The following FRMD4A variants were observed in gnomAD, a reference collection of about 807,000 sequenced individuals.
The protein encoded by FRMD4A is FERM domain-containing protein 4A.
Under a neutral mutation model 129.1 loss-of-function variants are expected in FRMD4A, and 29 were observed. The ratio of observed to expected loss-of-function variants is 0.22; its 90% CI spans 0.17 to 0.31. The LOEUF is 0.31. FRMD4A is among the 10% of genes least tolerant of loss of function. The probability of loss-of-function intolerance (pLI) is 1.00; values close to 1 mark genes in which losing one functional copy is unlikely to be tolerated. For missense variants in FRMD4A, 1,272 were observed against 1,375.8 expected, an observed-to-expected ratio of 0.92 and a Z score of 1.19; for synonymous variants, 634 against 571.6, an observed-to-expected ratio of 1.11 and a Z score of -1.56.
intron 2 of FRMD4A, among the ~76,000 whole-genome samples, chr10:14,328,626 A>ATGTGTG (rs58681647): frequency 2.4e-3 from 336 of 142,580 alleles, no homozygotes; most frequent in African/African-American, 6.3e-3. Flanking sequence ...ATACATATGC[A>ATGTGTG]TGTGTGTGTG....
intron 2 of FRMD4A, among the ~76,000 whole-genome samples, chr10:13,871,517 C>T (rs1487151760): frequency 1.3e-5 from 2 of 152,166 alleles, no homozygotes; most frequent in East Asian, 1.9e-4. Context: ...CGTTTCAATG[C>T]CTCATGAAAC....
At chr10:13,999,291 C>T (rs2095633575) in intron 2 of FRMD4A, among the ~76,000 whole-genome samples, 1 of 152,172 alleles carries the variant, frequency 6.6e-6, no homozygotes, top group East Asian at 1.9e-4. Context: ...TTCACGAAAG[C>T]GCAGACTTAG....
chr10:14,032,569 A>C (rs1588829855), intron 2 of FRMD4A, among the ~76,000 whole-genome samples: 1 of 152,102 alleles, frequency 6.6e-6, no homozygotes, highest in African/African-American at 2.4e-5. Context: ...CCCCTCCCTC[A>C]CTGTTGCTGC....
chr10:14,203,815 C>T (rs544001837), intron 2 of FRMD4A, among the ~76,000 whole-genome samples: 20 of 152,330 alleles, frequency 1.3e-4, no homozygotes, highest in Admixed American at 6.5e-4. Context: ...ACTTTTAAAA[C>T]GCTCCTCCTC....
chr10:14,123,026 G>A (rs1838620283), intron 2 of FRMD4A, among the ~76,000 whole-genome samples: 1 of 151,912 alleles, frequency 6.6e-6, no homozygotes, highest in South Asian at 2.1e-4. Flanking sequence ...ATAGAAGCTG[G>A]GGAATGAATA....
chr10:14,058,448 T>C (rs887382895), intron 2 of FRMD4A, among the ~76,000 whole-genome samples: 1 of 152,002 alleles, frequency 6.6e-6, no homozygotes, highest in African/African-American at 2.4e-5. Flanking sequence ...AATGGGAGAG[T>C]CTGGGAGAGA....
intron 2 of FRMD4A, among the ~76,000 whole-genome samples, chr10:14,136,806 C>A (rs768578477): frequency 2.0e-5 from 3 of 152,206 alleles, no homozygotes; most frequent in African/African-American, 7.2e-5. Context: ...CCACCTTGGG[C>A]ACATGTCATC....
chr10:13,704,934 G>T (rs1466827740), intron 13 of FRMD4A, among the ~76,000 whole-genome samples: 1 of 152,000 alleles, frequency 6.6e-6, no homozygotes, highest in Non-Finnish European at 1.5e-5. Context: ...TGGGTACGGT[G>T]GTGTGTACCT....
chr10:14,153,354 C>T (rs899002357), intron 2 of FRMD4A, among the ~76,000 whole-genome samples: 1 of 152,202 alleles, frequency 6.6e-6, no homozygotes, highest in Non-Finnish European at 1.5e-5. Context: ...AGCCAGGATA[C>T]AGGGATGGTC....
At chr10:14,329,969 G>T (rs1244623370) in intron 2 of FRMD4A, 89 bp downstream of exon 2, 15 of 1,209,508 alleles carry the variant, frequency 1.2e-5, no homozygotes, top group South Asian at 1.2e-4. Context: ...GAACATGTCT[G>T]CAGCCACTGC....
At chr10:14,180,285 G>A (rs1332392889) in intron 2 of FRMD4A, among the ~76,000 whole-genome samples, 1 of 152,112 alleles carries the variant, frequency 6.6e-6, no homozygotes, top group East Asian at 1.9e-4. Flanking sequence ...GAGATTGAGA[G>A]CATTAAGTAT....
intron 2 of FRMD4A, among the ~76,000 whole-genome samples, chr10:14,291,666 A>G (rs1212428958): frequency 1.3e-5 from 2 of 152,146 alleles, no homozygotes; most frequent in Non-Finnish European, 2.9e-5. Context: ...TATCTTTAAA[A>G]AGTATATTTA....
At chr10:14,326,749 A>T in intron 2 of FRMD4A, 1 of 397,740 alleles carries the variant, frequency 2.5e-6, no homozygotes, top group Non-Finnish European at 4.4e-6. Flanking sequence ...CTTTCCCTGA[A>T]CTCACACGCC....
At chr10:13,668,492 G>A (rs1232716229) in intron 17 of FRMD4A, 1 of 152,234 alleles carries the variant, frequency 6.6e-6, no homozygotes, top group Non-Finnish European at 1.5e-5. Flanking sequence ...GCGTTTCCAG[G>A]AGCCACAGTA....
intron 2 of FRMD4A, among the ~76,000 whole-genome samples, chr10:13,896,347 G>C (rs963536600): frequency 6.6e-6 from 1 of 152,280 alleles, no homozygotes; most frequent in South Asian, 2.1e-4. Flanking sequence ...CTGTAAAAAA[G>C]AATGAGTTCA....
At chr10:14,277,204 G>A (rs1314607215) in intron 2 of FRMD4A, among the ~76,000 whole-genome samples, 2 of 152,192 alleles carry the variant, frequency 1.3e-5, no homozygotes, top group Non-Finnish European at 2.9e-5. Flanking sequence ...ATTCTCAGAA[G>A]AAGCCCTCAC....
intron 2 of FRMD4A, among the ~76,000 whole-genome samples, chr10:14,123,048 A>G (rs1111729): frequency 0.19 from 29,196 of 152,108 alleles, 2,828 homozygotes; most frequent in Non-Finnish European, 0.21. Flanking sequence ...AAGGAACTTC[A>G]TTATACTATT....
intron 2 of FRMD4A, among the ~76,000 whole-genome samples, chr10:14,167,336 A>T (rs988890798): frequency 3.3e-5 from 5 of 152,074 alleles, no homozygotes; most frequent in African/African-American, 9.7e-5. Flanking sequence ...GATCAAGACC[A>T]GCCTGGCCAA....
intron 2 of FRMD4A, among the ~76,000 whole-genome samples, chr10:14,248,676 G>A (rs1844330967): frequency 6.6e-6 from 1 of 152,162 alleles, no homozygotes; most frequent in South Asian, 2.1e-4. Context: ...CTTTTTAAAG[G>A]AATCTTCACA....
Sources: allele counts gnomAD v4.1 joint callset (sites outside exome capture counted in the v4.1 genomes callset), GRCh38; gene constraint gnomAD v4.1.1; transcripts MANE v1.5; gene names NCBI Gene and HGNC (gene_info 2026-07-23, HGNC 2026-07-21).